Variants in SH3GL2 observed in about 807,000 individuals in gnomAD.
The protein encoded by SH3GL2 is SH3 domain containing GRB2 like 2, endophilin A1, also known as endophilin-A1.
Under a neutral mutation model 46.0 loss-of-function variants are expected in SH3GL2, and 24 were observed. The ratio of observed to expected loss-of-function variants is 0.52; its 90% confidence interval spans 0.38 to 0.73. The LOEUF (loss-of-function observed/expected upper bound fraction) is 0.73. Ranked by LOEUF, SH3GL2 falls within the 30% of genes least tolerant of loss-of-function variation. SH3GL2 has a pLI of 0.00. For missense variants in SH3GL2, 413 were observed against 424.2 expected (o/e 0.97, Z 0.23); for synonymous variants, 196 against 147.1 (o/e 1.33, Z -2.40).
intron 1 of SH3GL2, among the ~76,000 whole-genome samples, chr9:17,731,435 G>C (rs1822178933): frequency 6.6e-6 from 1 of 151,132 alleles, no homozygotes; most frequent in African/African-American, 2.4e-5. Context: ...GAGAGAGAGA[G>C]AAAGAGAGAG....
intron 1 of SH3GL2, among the ~76,000 whole-genome samples, chr9:17,620,872 G>A (rs1160651102): frequency 1.3e-5 from 2 of 152,188 alleles, no homozygotes; most frequent in Non-Finnish European, 2.9e-5. Context: ...GTCTGAAAGG[G>A]GGAGGTAAGC....
chr9:17,794,136 G>C (rs9407884), intron 8 of SH3GL2, among the ~76,000 whole-genome samples: 2,969 of 152,196 alleles, frequency 0.02, 94 homozygotes, highest in African/African-American at 0.068. Flanking sequence ...CAGGAATATC[G>C]ATGCATACCA....
chr9:17,705,523 A>G (rs1188498357), intron 1 of SH3GL2, among the ~76,000 whole-genome samples: 1 of 152,026 alleles, frequency 6.6e-6, no homozygotes, highest in Non-Finnish European at 1.5e-5. Context: ...TATGTATCAT[A>G]TGTACCATAT....
chr9:17,768,386 A>C (rs1023733189), intron 3 of SH3GL2, among the ~76,000 whole-genome samples: 9 of 151,900 alleles, frequency 5.9e-5, no homozygotes, highest in South Asian at 4.2e-4. Flanking sequence ...AAAAAAAAAA[A>C]AAAAACACCA....
intron 1 of SH3GL2, among the ~76,000 whole-genome samples, chr9:17,661,291 A>T (rs1311779412): frequency 6.6e-6 from 1 of 152,196 alleles, no homozygotes; most frequent in African/African-American, 2.4e-5. Context: ...GGGGGCAGGG[A>T]TATCAATATA....
intron 1 of SH3GL2, among the ~76,000 whole-genome samples, chr9:17,630,584 A>T (rs186648189): frequency 6.6e-6 from 1 of 152,322 alleles, no homozygotes; most frequent in Non-Finnish European, 1.5e-5. Flanking sequence ...CAAAAGGCAC[A>T]TGCTATATGA....
chr9:17,694,295 C>T (rs1356964758), intron 1 of SH3GL2, among the ~76,000 whole-genome samples: 2 of 152,202 alleles, frequency 1.3e-5, no homozygotes. Flanking sequence ...AGCACATCTT[C>T]ACAATGGCGG....
intron 1 of SH3GL2, among the ~76,000 whole-genome samples, chr9:17,744,966 C>T (rs779887440): frequency 4.0e-4 from 61 of 152,096 alleles, no homozygotes; most frequent in Non-Finnish European, 5.9e-4. Flanking sequence ...GAACTTCAGA[C>T]GGAGGCATCC....
chr9:17,612,880 G>A (rs1818900695), intron 1 of SH3GL2, among the ~76,000 whole-genome samples: 1 of 152,248 alleles, frequency 6.6e-6, no homozygotes, highest in South Asian at 2.1e-4. Flanking sequence ...TATCACTAAT[G>A]TACTTCTGCC....
intron 1 of SH3GL2, among the ~76,000 whole-genome samples, chr9:17,580,704 T>C (rs1818261712): frequency 6.6e-6 from 1 of 152,242 alleles, no homozygotes; most frequent in Non-Finnish European, 1.5e-5. Flanking sequence ...AACTTTATAC[T>C]GCAAGTTCTT....
Position 17,787,320 on chromosome 9 carries a change from G to C in SH3GL2, c.332-60G>C, listed in dbSNP as rs564329799. 251 of 1,454,608 alleles carry C rather than the reference G, an allele frequency of 1.7e-4. 1 individual carries two copies. In the African/African-American group the frequency reaches 2.6e-3, roughly 15 times the overall value. The allele number at this position is 1,454,608 out of a possible 1,614,324, so 90.1% of individuals were successfully genotyped here. The stretch of plus-strand genomic sequence containing the variant: ...TGGGTTTTCATCTGTGAAGGGCCCT[G>C]TTATTGCGAGTGCATTTCATCTTTA... On this transcript the variant is annotated intron_variant, in intron 4 of 8. Transcript: ENST00000380607.
chr9:17,579,351 C>A, intron 1 of SH3GL2, 64 bp downstream of exon 1: 1 of 1,195,194 alleles, frequency 8.4e-7, no homozygotes, highest in Non-Finnish European at 1.2e-6. Flanking sequence ...GCGCGCTCGG[C>A]GCTGGCCGTC....
intron 2 of SH3GL2, among the ~76,000 whole-genome samples, chr9:17,751,509 T>TGTG (rs1822844569): frequency 1.3e-5 from 2 of 150,348 alleles, no homozygotes; most frequent in East Asian, 1.9e-4. Context: ...TGTGTGTGTG[T>TGTG]TTTGCCTCAG....
chr9:17,706,051 A>G (rs529229606), intron 1 of SH3GL2, among the ~76,000 whole-genome samples: 4 of 152,066 alleles, frequency 2.6e-5, no homozygotes, highest in Non-Finnish European at 5.9e-5. Flanking sequence ...TAATATATAG[A>G]AAGTATTAGT....
chr9:17,667,475 A>T (rs1820375944), intron 1 of SH3GL2, among the ~76,000 whole-genome samples: 1 of 152,154 alleles, frequency 6.6e-6, no homozygotes, highest in Non-Finnish European at 1.5e-5. Flanking sequence ...AGTGTTTTCA[A>T]CATATATGAA....
chr9:17,637,618 G>C (rs889439493), intron 1 of SH3GL2, among the ~76,000 whole-genome samples: 1 of 152,174 alleles, frequency 6.6e-6, no homozygotes, highest in Non-Finnish European at 1.5e-5. Context: ...TTTGAATCCT[G>C]TTTCTTTTGT....
intron 3 of SH3GL2, among the ~76,000 whole-genome samples, chr9:17,766,113 C>G (rs1056109159): frequency 6.6e-6 from 1 of 152,170 alleles, no homozygotes; most frequent in Admixed American, 6.5e-5. Flanking sequence ...TGGAACCTCA[C>G]AGTCTTAGTG....
At chr9:17,588,727 C>G (rs529201103) in intron 1 of SH3GL2, among the ~76,000 whole-genome samples, 1 of 152,338 alleles carries the variant, frequency 6.6e-6, no homozygotes, top group East Asian at 1.9e-4. Flanking sequence ...AGGCCCTCAA[C>G]AGGGAGCTCA....
At chr9:17,619,923 G>C (rs1287981269) in intron 1 of SH3GL2, among the ~76,000 whole-genome samples, 1 of 152,090 alleles carries the variant, frequency 6.6e-6, no homozygotes, top group Non-Finnish European at 1.5e-5. Context: ...ATTGTCATCA[G>C]CCTGGAGTGT....
Sources: gnomAD v4.1 joint callset for allele counts (sites outside exome capture counted in the v4.1 genomes callset) on GRCh38, gnomAD v4.1.1 for gene constraint, MANE v1.5 for transcripts, NCBI Gene and HGNC (gene_info 2026-07-23, HGNC 2026-07-21) for gene names.